HEXB: variants seen among roughly 807,000 people sequenced by gnomAD.
The protein encoded by HEXB is hexosaminidase subunit beta.
A neutral mutation model predicts 71.2 loss-of-function variants in HEXB; 51 were observed. The ratio of observed to expected loss-of-function variants is 0.72; its 90% CI spans 0.57 to 0.90. The LOEUF (loss-of-function observed/expected upper bound fraction) is 0.90. Among genes scored for constraint, HEXB ranks in the 40% least tolerant of loss-of-function variants. The pLI is 0.00. For synonymous variants in HEXB, 266 were observed against 249.3 expected, an observed-to-expected ratio of 1.07 and a Z score of -0.63; for missense variants, 617 against 677.0, an observed-to-expected ratio of 0.91 and a Z score of 0.98.
At chr5:74,671,362 G>T (rs867588669) in intron 1 of HEXB, among the ~76,000 whole-genome samples, 1 of 151,910 alleles carries the variant, frequency 6.6e-6, no homozygotes, top group Non-Finnish European at 1.5e-5. Context: ...CTGTGGATAC[G>T]CACTACAACC....
intron 1 of HEXB, among the ~76,000 whole-genome samples, chr5:74,647,939 G>GAT (rs1194330846): frequency 6.6e-6 from 1 of 152,192 alleles, no homozygotes; most frequent in Non-Finnish European, 1.5e-5. Context: ...CAGTGTCTAG[G>GAT]CTTGGCCTGC....
chr5:74,664,430 T>TAAAAA (rs397998152), intron 1 of HEXB, among the ~76,000 whole-genome samples: 7 of 79,662 alleles, frequency 8.8e-5, no homozygotes, highest in African/African-American at 2.3e-4. Flanking sequence ...ATTCTATCTC[T>TAAAAA]AAAAAAAAAA....
chr5:74,681,049 G>A (rs949638317), upstream of HEXB, among the ~76,000 whole-genome samples: 25 of 152,132 alleles, frequency 1.6e-4, no homozygotes, highest in Admixed American at 1.3e-3. Context: ...CTGTGGTATC[G>A]TGAGCAAACC....
intron 9 of HEXB, 136 bp downstream of exon 9, chr5:74,716,809 C>G: frequency 3.3e-6 from 2 of 598,388 alleles, no homozygotes; most frequent in Non-Finnish European, 6.1e-6. Flanking sequence ...GAGGCAATAC[C>G]CACTGCTTGC....
chr5:74,680,290 G>A (rs1748715154), upstream of HEXB, among the ~76,000 whole-genome samples: 1 of 152,204 alleles, frequency 6.6e-6, no homozygotes, highest in Non-Finnish European at 1.5e-5. Context: ...AATTGCTACA[G>A]ACTCGTTGTT....
chr5:74,662,713 T>G (rs1385749186), intron 1 of HEXB, among the ~76,000 whole-genome samples: 1 of 152,218 alleles, frequency 6.6e-6, no homozygotes, highest in Non-Finnish European at 1.5e-5. Flanking sequence ...TATTTATAGG[T>G]AAAAATCATA....
Position 74,689,209 on chromosome 5 carries a change from G to A in HEXB, c.300-119G>A, listed in dbSNP as rs1051241250. 4.9e-6 allele frequency: 4 copies of A among 808,648 alleles called. No homozygotes were observed. In the African/African-American group the frequency reaches 6.8e-5, roughly 14 times the overall value. The allele number at this position is 808,648 out of a possible 1,614,324, so 50.1% of individuals were successfully genotyped here. The stretch of plus-strand genomic sequence containing the variant: ...GTACAGCTTGGGGTGAGAATCTCTA[G>A]TTGGACTTACAATGGGCAGCATGGA... On this transcript the variant is annotated intron_variant, in intron 1 of 13. Coordinates refer to ENST00000261416, the MANE Select transcript of HEXB (RefSeq NM_000521.4).
intron 6 of HEXB, among the ~76,000 whole-genome samples, chr5:74,710,317 C>G (rs1394850408): frequency 6.6e-6 from 1 of 151,262 alleles, no homozygotes; most frequent in African/African-American, 2.4e-5. Context: ...TATGACAAAC[C>G]CCCAGCCAAT....
intron 5 of HEXB, among the ~76,000 whole-genome samples, chr5:74,703,549 G>A (rs149153583): frequency 2.0e-5 from 3 of 152,126 alleles, no homozygotes; most frequent in South Asian, 2.1e-4. Flanking sequence ...GCTAGAAAAC[G>A]TGTGTACCTG....
chr5:74,708,048 G>A (rs1452269098), intron 6 of HEXB, among the ~76,000 whole-genome samples: 3 of 151,948 alleles, frequency 2.0e-5, no homozygotes, highest in Admixed American at 6.6e-5. Flanking sequence ...GAGAAAGGTC[G>A]GGTTACCCAC....
upstream of HEXB, among the ~76,000 whole-genome samples, chr5:74,682,231 G>C (rs1198630383): frequency 6.6e-6 from 1 of 152,184 alleles, no homozygotes; most frequent in African/African-American, 2.4e-5. Flanking sequence ...GGTGGCGGGC[G>C]CCTGTAGTCC....
chr5:74,703,907 G>A (rs1032156547), intron 5 of HEXB, among the ~76,000 whole-genome samples: 1 of 152,124 alleles, frequency 6.6e-6, no homozygotes, highest in Middle Eastern at 3.2e-3. Context: ...TCAAACTCCT[G>A]GGCCCAAGTG....
chr5:74,681,061 T>C (rs1002577411), upstream of HEXB, among the ~76,000 whole-genome samples: 98 of 152,334 alleles, frequency 6.4e-4, no homozygotes, highest in African/African-American at 2.2e-3. Flanking sequence ...GAGCAAACCA[T>C]TTAGTTCTTC....
chr5:74,662,873 G>A (rs1292415197), intron 1 of HEXB, among the ~76,000 whole-genome samples: 3 of 152,142 alleles, frequency 2.0e-5, no homozygotes, highest in Non-Finnish European at 2.9e-5. Context: ...AACAAAACCT[G>A]GAGGAATTTA....
At chr5:74,658,314 C>T (rs1001325735) in intron 1 of HEXB, among the ~76,000 whole-genome samples, 2 of 152,198 alleles carry the variant, frequency 1.3e-5, no homozygotes, top group African/African-American at 4.8e-5. Flanking sequence ...GAAGCACCAC[C>T]ACAGATGTCA....
intron 2 of HEXB, chr5:74,693,363 G>A: frequency 2.0e-6 from 1 of 503,174 alleles, no homozygotes; most frequent in Non-Finnish European, 3.6e-6. Context: ...TCAAGTGACT[G>A]GATGGTGGTG....
intron 1 of HEXB, among the ~76,000 whole-genome samples, chr5:74,650,860 A>T (rs1384944931): frequency 6.7e-6 from 1 of 148,716 alleles, no homozygotes; most frequent in Non-Finnish European, 1.5e-5. Context: ...TGGGAGGCAG[A>T]GCTTGCAGTG....
upstream of HEXB, among the ~76,000 whole-genome samples, chr5:74,683,814 T>C (rs1484345944): frequency 7.7e-6 from 1 of 129,952 alleles, no homozygotes; most frequent in Non-Finnish European, 1.6e-5. Context: ...TTACATTTCT[T>C]TTCTTTCTTT....
intron 1 of HEXB, among the ~76,000 whole-genome samples, chr5:74,651,128 T>C (rs1394057609): frequency 6.6e-6 from 1 of 152,172 alleles, no homozygotes; most frequent in Non-Finnish European, 1.5e-5. Context: ...TTTGTGATGC[T>C]CAGGTATCCC....
Sources: allele counts gnomAD v4.1 joint callset (sites outside exome capture counted in the v4.1 genomes callset), GRCh38; gene constraint gnomAD v4.1.1; transcripts MANE v1.5; gene names NCBI Gene and HGNC (gene_info 2026-07-23, HGNC 2026-07-21).